The following SOX5 variants were observed in gnomAD, a reference collection of about 807,000 sequenced individuals.
SOX5 encodes the protein transcription factor SOX-5.
SOX5 carries 9 observed loss-of-function variants against 92.0 expected under a neutral mutation model. The observed-to-expected ratio is 0.10, with a 90% CI of 0.06 to 0.17. SOX5 has a LOEUF of 0.17. Among genes scored for constraint, SOX5 ranks in the 10% least tolerant of loss-of-function variants. The pLI is 1.00. For synonymous variants in SOX5, 344 were observed against 336.3 expected (o/e 1.02, Z -0.25); for missense variants, 642 against 944.5 (o/e 0.68, Z 4.20).
At chr12:23,934,951 A>G (rs1466100696) in intron 1 of SOX5, among the ~76,000 whole-genome samples, 1 of 151,334 alleles carries the variant, frequency 6.6e-6, no homozygotes, top group Non-Finnish European at 1.5e-5. Context: ...CTACAAAGTT[A>G]GATGGCTTCT....
In SOX5 at chr12:24,405,683, C is replaced by T. The variant is rs575858199; in HGVS notation, c.-250-37044G>A. On this transcript the variant is annotated intron_variant, in intron 1 of 4. Transcript: ENST00000446891. ...ACCCTGATCCCAGGCCCCACTGCCT[C>T]GACTCTCCCTAATGGGAGCAGAATG... Among the ~76,000 whole-genome samples the T allele has an allele frequency of 7.2e-5, 11 of 152,274 alleles. No homozygotes were observed. The East Asian group carries it at 1.5e-3, about 21-fold the overall frequency.
At chr12:24,018,003 G>A (rs936730517) in intron 4 of SOX5, among the ~76,000 whole-genome samples, 1 of 152,154 alleles carries the variant, frequency 6.6e-6, no homozygotes. Flanking sequence ...TGCTCCATCA[G>A]TTTTTCCCAA....
chr12:23,735,410 C>T (rs1376133717), intron 5 of SOX5, among the ~76,000 whole-genome samples: 6 of 152,064 alleles, frequency 3.9e-5, no homozygotes, highest in African/African-American at 1.4e-4. Flanking sequence ...AAATGTTTTC[C>T]CCGATCATGA....
chr12:24,551,413 T>C (rs182905144), intron 1 of SOX5, among the ~76,000 whole-genome samples: 3 of 152,336 alleles, frequency 2.0e-5, no homozygotes, highest in Admixed American at 1.3e-4. Context: ...TTTATGAAGA[T>C]TTATTATTTT....
At chr12:23,960,190 A>T (rs529479873) in intron 4 of SOX5, among the ~76,000 whole-genome samples, 1 of 152,202 alleles carries the variant, frequency 6.6e-6, no homozygotes, top group South Asian at 2.1e-4. Flanking sequence ...CCACAGCCAA[A>T]CCAGAGCCCA....
chr12:24,122,503 C>T (rs1020376070), intron 4 of SOX5, among the ~76,000 whole-genome samples: 18 of 152,144 alleles, frequency 1.2e-4, no homozygotes, highest in Admixed American at 1.0e-3. Flanking sequence ...ATGCTATCAC[C>T]CCAAGCATAG....
chr12:23,886,507 A>C (rs2097067746), intron 2 of SOX5, among the ~76,000 whole-genome samples: 1 of 152,138 alleles, frequency 6.6e-6, no homozygotes, highest in Non-Finnish European at 1.5e-5. Context: ...AGTTTCTAGA[A>C]ATCAGGCACC....
chr12:24,172,054 A>G (rs1954245923), intron 4 of SOX5, among the ~76,000 whole-genome samples: 1 of 151,332 alleles, frequency 6.6e-6, no homozygotes, highest in Non-Finnish European at 1.5e-5. Flanking sequence ...GGGATAATGT[A>G]CTATGGCTGG....
intron 1 of SOX5, among the ~76,000 whole-genome samples, chr12:23,938,913 C>T (rs1943111926): frequency 6.6e-6 from 1 of 150,906 alleles, no homozygotes; most frequent in African/African-American, 2.4e-5. Context: ...TTGCAGATAT[C>T]TGACTAGTAT....
intron 4 of SOX5, among the ~76,000 whole-genome samples, chr12:24,049,295 G>C (rs1957327070): frequency 6.6e-6 from 1 of 152,150 alleles, no homozygotes; most frequent in Non-Finnish European, 1.5e-5. Flanking sequence ...TACGCCTTGA[G>C]ACCAAGGCGT....
intron 1 of SOX5, among the ~76,000 whole-genome samples, chr12:24,505,054 A>C (rs1264668128): frequency 1.3e-5 from 2 of 152,246 alleles, no homozygotes; most frequent in African/African-American, 4.8e-5. Flanking sequence ...TTTTGGGTTG[A>C]CTTGTAGCAT....
At chr12:23,577,131 T>A (rs1395599739) in intron 9 of SOX5, among the ~76,000 whole-genome samples, 1 of 143,428 alleles carries the variant, frequency 7.0e-6, no homozygotes, top group Non-Finnish European at 1.5e-5. Context: ...GACATCGATA[T>A]CAAGTTTATA....
At chr12:24,110,406 A>T (rs1454381763) in intron 4 of SOX5, among the ~76,000 whole-genome samples, 1 of 152,216 alleles carries the variant, frequency 6.6e-6, no homozygotes, top group Non-Finnish European at 1.5e-5. Context: ...CAGTCAACCT[A>T]AGTCCCACAT....
intron 1 of SOX5, among the ~76,000 whole-genome samples, chr12:24,399,644 C>T (rs1040856562): frequency 2.0e-5 from 3 of 152,032 alleles, no homozygotes; most frequent in Non-Finnish European, 2.9e-5. Context: ...TTGAGAAGAA[C>T]GCACATATAA....
chr12:24,532,193 G>T (rs1951257583), intron 1 of SOX5, among the ~76,000 whole-genome samples: 1 of 152,090 alleles, frequency 6.6e-6, no homozygotes, highest in Non-Finnish European at 1.5e-5. Context: ...ATCCTTGTCT[G>T]ACAGACTCAT....
rs1414774568 is a variant in SOX5 at position 23,582,384 on chromosome 12, C to T, written c.1165-6546G>A. The T allele has an allele frequency of 2.5e-5, 14 of 558,606 alleles. No individual in the cohort carries two copies. The Admixed American group carries it at 6.4e-4, about 25-fold the overall frequency. 34.6% of individuals were successfully genotyped at this position (558,606 alleles called of 1,614,324 possible). ...TTAAAGGAGAAAAGGTTTATATTTA[C>T]GTGCAAGAGTCAAAGTAACCTAAGA... On this transcript the variant is annotated intron_variant, in intron 9 of 14. Transcript: ENST00000451604.
intron 3 of SOX5, among the ~76,000 whole-genome samples, chr12:23,816,214 T>C (rs1594735968): frequency 1.3e-5 from 2 of 151,222 alleles, no homozygotes; most frequent in African/African-American, 4.9e-5. Flanking sequence ...TTTCTTTTTT[T>C]TTTTTTTTTT....
intron 4 of SOX5, among the ~76,000 whole-genome samples, chr12:23,750,964 T>C (rs1319444558): frequency 6.6e-6 from 1 of 151,904 alleles, no homozygotes; most frequent in Non-Finnish European, 1.5e-5. Context: ...CTCTTTGCTT[T>C]TATAGACATT....
intron 2 of SOX5, among the ~76,000 whole-genome samples, chr12:23,880,966 C>G (rs1326663597): frequency 6.6e-6 from 1 of 152,092 alleles, no homozygotes; most frequent in Non-Finnish European, 1.5e-5. Context: ...TAACTGAAAC[C>G]TATCTATTGT....
Sources: gnomAD v4.1 joint callset for allele counts (sites outside exome capture counted in the v4.1 genomes callset) on GRCh38, gnomAD v4.1.1 for gene constraint, MANE v1.5 for transcripts, NCBI Gene and HGNC (gene_info 2026-07-23, HGNC 2026-07-21) for gene names.